The following GPLD1 variants were observed in gnomAD, a reference collection of about 807,000 sequenced individuals.
The protein encoded by GPLD1 is glycosylphosphatidylinositol specific phospholipase D1.
Under a neutral mutation model 112.6 loss-of-function variants are expected in GPLD1, and 84 were observed. That is an observed-to-expected ratio of 0.75 (90% CI 0.63 to 0.89). The LOEUF (loss-of-function observed/expected upper bound fraction) is 0.89. Ranked by LOEUF, GPLD1 falls within the 40% of genes least tolerant of loss-of-function variation. GPLD1 has a pLI of 0.00. For missense variants in GPLD1, 1,044 were observed against 1,051.5 expected, an observed-to-expected ratio of 0.99 and a Z score of 0.10; for synonymous variants, 386 against 403.8, an observed-to-expected ratio of 0.96 and a Z score of 0.53.
chr6:24,474,348 G>A (rs1050885108), intron 5 of GPLD1, among the ~76,000 whole-genome samples: 18 of 152,062 alleles, frequency 1.2e-4, no homozygotes, highest in Admixed American at 9.2e-4. Context: ...TAAGGACCAG[G>A]GGGCCTTCCA....
At chr6:24,446,802 G>A in intron 18 of GPLD1, 36 bp downstream of exon 18, 1 of 1,604,876 alleles carries the variant, frequency 6.2e-7, no homozygotes, top group South Asian at 1.1e-5. Context: ...ACCTGCCCCT[G>A]TGTTCATGGT....
chr6:24,480,761 G>A (rs1393266582), intron 2 of GPLD1, among the ~76,000 whole-genome samples: 4 of 152,146 alleles, frequency 2.6e-5, no homozygotes, highest in Non-Finnish European at 4.4e-5. Flanking sequence ...TCCATTCCGA[G>A]TCCCTTATGG....
At position 24,475,135 on chromosome 6, in the gene GPLD1, T is replaced by A; in HGVS notation, c.427A>T (p.Arg143Trp). The change falls in exon 5 of 25, where the codon AGG becomes TGG. Residue 143 changes from arginine (R) to tryptophan (W), a missense_variant. Transcript: ENST00000230036. ...GATGTACTCACAGCTCCCATGGTCC[T>A]AAGGAATCCTTGTTCAAGGCCCAGA... ...HSLGLEQGFL[R>W]TMGAIDFHGS... 2 of 1,583,674 alleles carry A rather than the reference T, an allele frequency of 1.3e-6. No homozygotes were observed. Among genetic ancestry groups the A allele is most frequent in the Non-Finnish European group, 1.7e-6 (2 of 1,152,184 alleles).
intron 24 of GPLD1, among the ~76,000 whole-genome samples, chr6:24,429,838 A>G (rs545805744): frequency 9.2e-5 from 14 of 152,296 alleles, no homozygotes; most frequent in African/African-American, 3.4e-4. Context: ...GTGAGCCACC[A>G]TGCCTGGTCT....
intron 13 of GPLD1, among the ~76,000 whole-genome samples, chr6:24,455,977 C>A (rs563782277): frequency 6.6e-6 from 1 of 152,008 alleles, no homozygotes; most frequent in South Asian, 2.1e-4. Context: ...GAGTTTGAGA[C>A]CAGCCTGGGC....
intron 10 of GPLD1, among the ~76,000 whole-genome samples, chr6:24,463,877 A>T (rs552799258): frequency 6.6e-6 from 1 of 152,242 alleles, no homozygotes; most frequent in South Asian, 2.1e-4. Context: ...CTTTCTTTGT[A>T]TATGTATGCA....
At chr6:24,494,837 G>T in intron 1 of GPLD1, 1 of 809,204 alleles carries the variant, frequency 1.2e-6, no homozygotes, top group Non-Finnish European at 1.6e-6. Context: ...AAGACGCGGA[G>T]AGAGGGCGCT....
intron 10 of GPLD1, among the ~76,000 whole-genome samples, chr6:24,463,342 T>C (rs980852172): frequency 1.3e-5 from 2 of 152,186 alleles, no homozygotes; most frequent in Non-Finnish European, 2.9e-5. Context: ...CAGGTATTAA[T>C]ATAAGAAGAG....
At chr6:24,450,871 C>G (rs1009569975) in intron 14 of GPLD1, among the ~76,000 whole-genome samples, 32 of 152,128 alleles carry the variant, frequency 2.1e-4, no homozygotes, top group African/African-American at 7.2e-4. Flanking sequence ...ACTCAGGAGG[C>G]TGAGGCAGGA....
intron 22 of GPLD1, among the ~76,000 whole-genome samples, chr6:24,434,630 G>A (rs1417686112): frequency 1.3e-5 from 2 of 151,842 alleles, no homozygotes; most frequent in Non-Finnish European, 2.9e-5. Context: ...GAGGTCAGGA[G>A]ATCAAGACCA....
chr6:24,476,287 A>G lies in GPLD1; in HGVS notation c.233-9T>C. On this transcript the variant is annotated splice_polypyrimidine_tract_variant and intron_variant, in intron 3 of 24. Coordinates refer to ENST00000230036, the MANE Select transcript of GPLD1 (RefSeq NM_001503.4). Reference sequence around the variant, plus strand: ...CACATCATGGAATTTTCCTGACAAAACAAAAGCAGGGCTCTAGATTCTCTC... The same window carrying G: ...CACATCATGGAATTTTCCTGACAAAGCAAAAGCAGGGCTCTAGATTCTCTC... 7.1e-7 allele frequency: 1 copy of G among 1,412,052 alleles called. No homozygotes were observed. The highest frequency in any genetic ancestry group is 9.8e-7 in the Non-Finnish European group (1 of 1,016,642). The allele number at this position is 1,412,052 out of a possible 1,614,324, so 87.5% of individuals were successfully genotyped here. A position where few individuals can be genotyped will look rare whatever the true frequency, so the allele number is the denominator to read the frequency against.
chr6:24,461,730 A>G (rs1763444767), intron 11 of GPLD1, among the ~76,000 whole-genome samples: 1 of 152,188 alleles, frequency 6.6e-6, no homozygotes, highest in South Asian at 2.1e-4. Flanking sequence ...CAATGTCCAC[A>G]ATTACTTGTT....
intron 12 of GPLD1, among the ~76,000 whole-genome samples, chr6:24,457,175 A>C (rs1348263378): frequency 6.6e-6 from 1 of 152,168 alleles, no homozygotes; most frequent in Non-Finnish European, 1.5e-5. Flanking sequence ...CCAGGGGACT[A>C]AAATTTTTTA....
At position 24,456,507 on chromosome 6, in the gene GPLD1, C is replaced by T. The variant is rs773429845; in HGVS notation, c.1139G>A (p.Arg380Lys). 2.5e-6 allele frequency: 4 copies of T among 1,604,914 alleles called. No individual in the cohort carries two copies. The stretch of plus-strand genomic sequence containing the variant: ...ATAAACTTATACGTACCAGCCAAGC[C>T]TCGCATAAGGAAATGACAAGAAGTA... Reference protein sequence around the residue: ...ASYFLSFPYARLGWAMTSADL... With the variant: ...ASYFLSFPYAKLGWAMTSADL... Residue 380 changes from arginine to lysine, a missense_variant, in exon 13 of 25, where the codon AGG (arginine) becomes AAG (lysine). By Grantham distance (26) the Arg-to-Lys change is conservative (BLOSUM62 2). Transcript: ENST00000230036.
intron 11 of GPLD1, among the ~76,000 whole-genome samples, chr6:24,462,136 CTTCT>C (rs1339026261): frequency 1.3e-5 from 2 of 151,940 alleles, no homozygotes; most frequent in African/African-American, 2.4e-5. Context: ...AACTACATTT[CTTCT>C]TTCTTTTTTT....
intron 1 of GPLD1, among the ~76,000 whole-genome samples, 199 bp downstream of exon 1, chr6:24,489,216 C>T (rs1407605726): frequency 6.6e-6 from 1 of 152,164 alleles, no homozygotes; most frequent in African/African-American, 2.4e-5. Flanking sequence ...TTCTTATTTG[C>T]CCCTTAACTG....
At chr6:24,443,245 G>A (rs9379661) in intron 20 of GPLD1, among the ~76,000 whole-genome samples, 6 of 152,064 alleles carry the variant, frequency 3.9e-5, no homozygotes, top group African/African-American at 1.4e-4. Context: ...GAGAGCTCCC[G>A]GCTTCTAGTG....
chr6:24,471,742 C>T (rs114370210), intron 7 of GPLD1, among the ~76,000 whole-genome samples: 2,700 of 152,216 alleles, frequency 0.018, 52 homozygotes, highest in African/African-American at 0.051. Flanking sequence ...ATTTAAGAGA[C>T]AGGGTCTCAC....
chr6:24,466,890 T>C (rs1275596553), intron 9 of GPLD1, 22 bp downstream of exon 9: 7 of 1,604,168 alleles, frequency 4.4e-6, no homozygotes, highest in Non-Finnish European at 6.0e-6. Context: ...TCCTTTAAGA[T>C]TTGGAAGAAT....
Sources: gnomAD v4.1 joint callset for allele counts (sites outside exome capture counted in the v4.1 genomes callset) on GRCh38, gnomAD v4.1.1 for gene constraint, MANE v1.5 for transcripts, NCBI Gene and HGNC (gene_info 2026-07-23, HGNC 2026-07-21) for gene names.